Variants in EARS2 observed in about 807,000 individuals in gnomAD.
EARS2 encodes glutamyl-tRNA synthetase 2, mitochondrial, also known as nondiscriminating glutamyl-tRNA synthetase EARS2, mitochondrial.
EARS2 carries 50 observed loss-of-function variants against 54.1 expected under a neutral mutation model. The ratio of observed to expected loss-of-function variants is 0.92; its 90% CI spans 0.74 to 1.17. The LOEUF (loss-of-function observed/expected upper bound fraction) is 1.17, where lower values mean the gene tolerates loss of function less well. Ranked by LOEUF, EARS2 falls within the 50% of genes most tolerant of loss-of-function variation. The pLI, the probability that EARS2 is intolerant of heterozygous loss-of-function variation, is 0.00. For synonymous variants in EARS2, 298 were observed against 281.0 expected (o/e 1.06, Z -0.61); for missense variants, 673 against 675.0 (o/e 1.00, Z 0.03).
chr16:23,527,436 G>A (rs982618106), intron 7 of EARS2, among the ~76,000 whole-genome samples: 2 of 152,106 alleles, frequency 1.3e-5, no homozygotes, highest in Non-Finnish European at 2.9e-5. Flanking sequence ...TACTGTCTCA[G>A]GGAACTGGGT....
rs758000724 is a variant in EARS2 at position 23,549,106 on chromosome 16, G to A, written c.295+3043C>T. On this transcript the variant is annotated intron_variant, in intron 2 of 8. Transcript: ENST00000449606. ...GACGGGAATAAAAGAGCTGTAACAC[G>A]CTCCCGCTCACCAGACTACAGGAGA... Among the ~76,000 whole-genome samples, 60 of 152,050 alleles carry A rather than the reference G, an allele frequency of 3.9e-4. 1 individual carries two copies. Among genetic ancestry groups the A allele is most frequent in the African/African-American group, 1.3e-3 (53 of 41,390 alleles).
At chr16:23,553,134 C>A in intron 1 of EARS2, 1 of 218,446 alleles carries the variant, frequency 4.6e-6, no homozygotes, top group Non-Finnish European at 9.6e-6. Context: ...CTGTCTCAAA[C>A]AAAAAAAATT....
chr16:23,556,865 G>C, intron 1 of EARS2: 1 of 560,402 alleles, frequency 1.8e-6, no homozygotes, highest in Non-Finnish European at 3.4e-6. Flanking sequence ...CTAGAATGCA[G>C]ACTTCCACAG....
chr16:23,554,684 C>T (rs903928798), intron 1 of EARS2, among the ~76,000 whole-genome samples: 1 of 152,152 alleles, frequency 6.6e-6, no homozygotes, highest in African/African-American at 2.4e-5. Context: ...CTGAGTCCCA[C>T]GAGTCCCCAA....
intron 3 of EARS2, among the ~76,000 whole-genome samples, chr16:23,539,461 G>A (rs1965477687): frequency 6.6e-6 from 1 of 152,104 alleles, no homozygotes. Flanking sequence ...TATGAAAACT[G>A]AGCAAGTGTC....
chr16:23,533,473 G>A (rs1339889360), intron 4 of EARS2, among the ~76,000 whole-genome samples: 1 of 152,134 alleles, frequency 6.6e-6, no homozygotes, highest in Admixed American at 6.6e-5. Flanking sequence ...GGGAGGCTGA[G>A]TGAGCAAGCC....
chr16:23,524,509 G>A, intron 8 of EARS2, 55 bp from the exon 9 acceptor site: 10 of 1,496,018 alleles, frequency 6.7e-6, no homozygotes, highest in East Asian at 4.5e-5. Context: ...CTAAAGAACT[G>A]AAGCTCAGCC....
chr16:23,547,569 G>C (rs190605992), intron 2 of EARS2, among the ~76,000 whole-genome samples: 1 of 152,050 alleles, frequency 6.6e-6, no homozygotes, highest in Admixed American at 6.6e-5. Flanking sequence ...GCAGTGGCAC[G>C]ATCTCGGCTC....
intron 1 of EARS2, among the ~76,000 whole-genome samples, chr16:23,554,218 CTA>C (rs1345824680): frequency 2.0e-5 from 3 of 151,882 alleles, no homozygotes; most frequent in Non-Finnish European, 2.9e-5. Context: ...CAAGGTCTCA[CTA>C]TGTTGCCCAG....
At chr16:23,526,002 T>TA (rs141107728) in intron 7 of EARS2, among the ~76,000 whole-genome samples, 115,200 of 142,340 alleles carry the variant, frequency 0.81, 45,993 homozygotes, top group Middle Eastern at 0.88. Context: ...TGTTTCAAAA[T>TA]AAAAAAAAAA....
At chr16:23,556,499 C>T (rs1196905529) in intron 1 of EARS2, among the ~76,000 whole-genome samples, 8 of 152,226 alleles carry the variant, frequency 5.3e-5, no homozygotes, top group East Asian at 3.8e-4. Context: ...GGATTACAGG[C>T]ATGCGCCACC....
intron 7 of EARS2, among the ~76,000 whole-genome samples, chr16:23,527,670 C>T (rs1965253321): frequency 6.6e-6 from 1 of 151,428 alleles, no homozygotes; most frequent in East Asian, 1.9e-4. Context: ...TCTCCTGCCT[C>T]AGCCTTCCGA....
chr16:23,541,482 TG>T (rs1190412658), intron 3 of EARS2, among the ~76,000 whole-genome samples: 3 of 152,202 alleles, frequency 2.0e-5, no homozygotes, highest in Non-Finnish European at 4.4e-5. Flanking sequence ...TAAGCGGACA[TG>T]GTAAATTGCA....
intron 8 of EARS2, among the ~76,000 whole-genome samples, chr16:23,524,673 G>T (rs1965195100): frequency 7.0e-6 from 1 of 142,960 alleles, no homozygotes; most frequent in African/African-American, 2.6e-5. Context: ...TTGAGATAGA[G>T]TCTCACTCTA....
intron 1 of EARS2, among the ~76,000 whole-genome samples, chr16:23,555,110 T>A (rs534163468): frequency 6.6e-6 from 1 of 152,224 alleles, no homozygotes; most frequent in South Asian, 2.1e-4. Flanking sequence ...TTCGGCTGCA[T>A]GAGCTTAACC....
rs1490543607 is a variant in EARS2 at position 23,525,227 on chromosome 16, C to T, written c.1488+17G>A. 1.2e-6 allele frequency: 2 copies of T among 1,614,008 alleles called. No individual in the cohort carries two copies. Among genetic ancestry groups the T allele is most frequent in the Non-Finnish European group, 1.7e-6 (2 of 1,180,020 alleles). On this transcript the variant is annotated intron_variant, in intron 8 of 8. Coordinates refer to ENST00000449606, the MANE Select transcript of EARS2 (RefSeq NM_001083614.2). ...GAGGGGCTCCAGGGAACAATCCAAC[C>T]CGTGTCCCTGCCTCACCTGCTGTCC...
At chr16:23,529,934 A>G in intron 5 of EARS2, 37 bp from the exon 6 acceptor site, 2 of 1,605,292 alleles carry the variant, frequency 1.2e-6, no homozygotes, top group Non-Finnish European at 1.7e-6. Flanking sequence ...TGCTGTCAAC[A>G]CCCCAACCCA....
intron 4 of EARS2, among the ~76,000 whole-genome samples, chr16:23,533,754 C>T (rs1322080367): frequency 1.3e-5 from 2 of 152,002 alleles, no homozygotes; most frequent in African/African-American, 2.4e-5. Flanking sequence ...TTCCAAAGCA[C>T]GATCAAGAGT....
At chr16:23,551,905 G>A (rs1328788329) in intron 2 of EARS2, among the ~76,000 whole-genome samples, 1 of 152,164 alleles carries the variant, frequency 6.6e-6, no homozygotes. Context: ...GGGCAACAGA[G>A]CAAGACTCTG....
Sources: allele counts gnomAD v4.1 joint callset (sites outside exome capture counted in the v4.1 genomes callset), GRCh38; gene constraint gnomAD v4.1.1; transcripts MANE v1.5; gene names NCBI Gene and HGNC (gene_info 2026-07-23, HGNC 2026-07-21).